The following PDE4D variants were observed in gnomAD, a reference collection of about 807,000 sequenced individuals.
PDE4D encodes the protein phosphodiesterase 4D.
In PDE4D, 24 loss-of-function variants were observed where a neutral mutation model predicts 87.4. The ratio of observed to expected loss-of-function variants is 0.27; its 90% CI spans 0.20 to 0.39. The LOEUF (loss-of-function observed/expected upper bound fraction) is 0.39, where lower values mean the gene tolerates loss of function less well. Ranked by LOEUF, PDE4D falls within the 10% of genes least tolerant of loss-of-function variation. The pLI, the probability that PDE4D is intolerant of heterozygous loss-of-function variation, is 1.00. For missense variants in PDE4D, 714 were observed against 1,041.0 expected (o/e 0.69, Z 4.32); for synonymous variants, 384 against 383.2 (o/e 1.00, Z -0.02).
At chr5:59,349,197 C>T (rs991580464) in intron 1 of PDE4D, among the ~76,000 whole-genome samples, 1 of 152,124 alleles carries the variant, frequency 6.6e-6, no homozygotes, top group African/African-American at 2.4e-5. Flanking sequence ...TTATATAACC[C>T]AGCCTTACGG....
At chr5:59,820,316 G>A (rs982702657) in intron 1 of PDE4D, among the ~76,000 whole-genome samples, 1 of 152,164 alleles carries the variant, frequency 6.6e-6, no homozygotes, top group Non-Finnish European at 1.5e-5. Context: ...TACTCTGCAA[G>A]GTGCGTGAAC....
intron 1 of PDE4D, among the ~76,000 whole-genome samples, chr5:60,415,653 G>C (rs1039181955): frequency 1.5e-4 from 23 of 152,240 alleles, no homozygotes; most frequent in African/African-American, 5.5e-4. Context: ...TCCCCACGGG[G>C]CAGGGCTCGG....
chr5:59,792,583 C>A (rs186626556), intron 1 of PDE4D, among the ~76,000 whole-genome samples: 31 of 152,066 alleles, frequency 2.0e-4, no homozygotes, highest in Admixed American at 1.0e-3. Context: ...AGGTTTGTGC[C>A]GTGAAGGAGA....
At chr5:60,221,078 T>C (rs1744441037) in intron 1 of PDE4D, among the ~76,000 whole-genome samples, 1 of 152,118 alleles carries the variant, frequency 6.6e-6, no homozygotes, top group Non-Finnish European at 1.5e-5. Context: ...TAAATAGTCT[T>C]ACAATGGAAT....
At chr5:59,345,125 A>C (rs1779408948) in intron 1 of PDE4D, among the ~76,000 whole-genome samples, 1 of 152,206 alleles carries the variant, frequency 6.6e-6, no homozygotes, top group African/African-American at 2.4e-5. Flanking sequence ...AAGGGAAAAA[A>C]ACCTTCTTTA....
In PDE4D at chr5:59,275,333, G is replaced by A. The variant is rs761313769; in HGVS notation, c.456-59365C>T. The A allele has an allele frequency of 2.5e-6, 4 of 1,591,346 alleles. No individual in the cohort carries two copies. The African/African-American group carries it at 4.0e-5, about 16-fold the overall frequency. On this transcript the variant is annotated intron_variant, in intron 1 of 14. Transcript: ENST00000340635. ...GGGGAAAAGCATGAGAGAAAAGAACGTTACCAAACTGCCTCTGCAGTCCTT... is the reference window on the plus strand; with the variant it reads ...GGGGAAAAGCATGAGAGAAAAGAACATTACCAAACTGCCTCTGCAGTCCTT...
intron 1 of PDE4D, among the ~76,000 whole-genome samples, chr5:59,749,967 C>T (rs1760181987): frequency 6.6e-6 from 1 of 152,118 alleles, no homozygotes. Context: ...TACATTCTAC[C>T]TGTTGCTAAG....
chr5:59,609,191 A>G (rs938708459), intron 1 of PDE4D, among the ~76,000 whole-genome samples: 1 of 152,116 alleles, frequency 6.6e-6, no homozygotes, highest in African/African-American at 2.4e-5. Context: ...ATATAGATGC[A>G]AAACTTCAAG....
chr5:59,227,022 C>A (rs1027592342), intron 1 of PDE4D, among the ~76,000 whole-genome samples: 3 of 152,208 alleles, frequency 2.0e-5, no homozygotes, highest in African/African-American at 7.2e-5. Flanking sequence ...AAAGCACATG[C>A]TCTCCAGGCC....
intron 3 of PDE4D, among the ~76,000 whole-genome samples, chr5:59,980,060 T>A (rs1761756675): frequency 6.6e-6 from 1 of 152,224 alleles, no homozygotes; most frequent in South Asian, 2.1e-4. Flanking sequence ...TGAATCAGTA[T>A]TATACATTAT....
chr5:59,547,727 C>A (rs138500246), intron 1 of PDE4D, among the ~76,000 whole-genome samples: 1 of 152,084 alleles, frequency 6.6e-6, no homozygotes, highest in Admixed American at 6.6e-5. Flanking sequence ...TACAGTGTAT[C>A]TCTGAATACT....
chr5:59,857,346 G>A lies in PDE4D; in HGVS notation c.455+35822C>T, dbSNP rs937730214. Among the ~76,000 whole-genome samples the A allele has an allele frequency of 7.2e-5, 11 of 152,156 alleles. No homozygotes were observed. In the East Asian group the frequency reaches 2.1e-3, roughly 29 times the overall value. ...CCTTTATCTCTTTAACTGGTTTATGGGTGATGGACTAGCACCTTCCTAACT... is the reference window on the plus strand; with the variant it reads ...CCTTTATCTCTTTAACTGGTTTATGAGTGATGGACTAGCACCTTCCTAACT... On this transcript the variant is annotated intron_variant, in intron 1 of 14. Coordinates refer to ENST00000340635, the MANE Select transcript of PDE4D (RefSeq NM_001104631.2).
Position 60,036,997 on chromosome 5 carries a change from C to T in PDE4D, c.43-48280G>A, listed in dbSNP as rs533208713. Among the ~76,000 whole-genome samples the T allele has an allele frequency of 2.8e-4, 43 of 152,256 alleles. No homozygotes were observed. In the East Asian group the frequency reaches 6.4e-3, roughly 23 times the overall value. On this transcript the variant is annotated intron_variant, in intron 2 of 16. Transcript: ENST00000502484. The stretch of plus-strand genomic sequence containing the variant: ...TTTGTCTTATAAAAAACGCTACCTC[C>T]ATGCAAGGAGGGGGGCCCATTGTGA...
At chr5:60,421,221 G>A (rs1185149336) in intron 1 of PDE4D, among the ~76,000 whole-genome samples, 1 of 152,252 alleles carries the variant, frequency 6.6e-6, no homozygotes, top group Admixed American at 6.5e-5. Flanking sequence ...AGAACGGACA[G>A]ACTGCCTCCT....
chr5:59,618,182 T>C (rs1829935087), intron 1 of PDE4D, among the ~76,000 whole-genome samples: 1 of 152,174 alleles, frequency 6.6e-6, no homozygotes, highest in Non-Finnish European at 1.5e-5. Context: ...ATTTTCATTG[T>C]ACACAGTATG....
chr5:59,373,505 T>G (rs748445092), intron 1 of PDE4D, among the ~76,000 whole-genome samples: 3 of 152,036 alleles, frequency 2.0e-5, no homozygotes, highest in Non-Finnish European at 4.4e-5. Flanking sequence ...TGAAAAGGAA[T>G]GAACAAAACC....
At chr5:60,050,373 C>T (rs1277607927) in intron 2 of PDE4D, among the ~76,000 whole-genome samples, 1 of 152,058 alleles carries the variant, frequency 6.6e-6, no homozygotes, top group Non-Finnish European at 1.5e-5. Context: ...TCCTATTCGG[C>T]CATCTTGGCT....
intron 1 of PDE4D, among the ~76,000 whole-genome samples, chr5:59,879,440 A>G (rs896529618): frequency 1.3e-5 from 2 of 152,220 alleles, no homozygotes; most frequent in African/African-American, 4.8e-5. Flanking sequence ...GTTTTTAACT[A>G]TCTACTTAAA....
intron 1 of PDE4D, among the ~76,000 whole-genome samples, chr5:59,293,983 A>G (rs1423315576): frequency 1.3e-5 from 2 of 151,938 alleles, no homozygotes; most frequent in African/African-American, 2.4e-5. Context: ...CCTGCTCCCA[A>G]CTCCTTGGAG....
Sources: allele counts gnomAD v4.1 joint callset (sites outside exome capture counted in the v4.1 genomes callset), GRCh38; gene constraint gnomAD v4.1.1; transcripts MANE v1.5; gene names NCBI Gene and HGNC (gene_info 2026-07-23, HGNC 2026-07-21).